Variants in USP33 observed in about 807,000 individuals in gnomAD.
USP33 encodes ubiquitin specific peptidase 33.
Under a neutral mutation model 124.2 loss-of-function variants are expected in USP33, and 46 were observed. The ratio of observed to expected loss-of-function variants is 0.37; its 90% CI spans 0.29 to 0.47. The LOEUF (loss-of-function observed/expected upper bound fraction) is 0.47, where lower values mean the gene tolerates loss of function less well. Among genes scored for constraint, USP33 ranks in the 20% least tolerant of loss-of-function variants. The pLI is 0.99. For synonymous variants in USP33, 350 were observed against 352.3 expected (o/e 0.99, Z 0.07); for missense variants, 851 against 1,070.6 (o/e 0.79, Z 2.86).
intron 7 of USP33, among the ~76,000 whole-genome samples, chr1:77,732,116 A>AG (rs1466146054): frequency 6.6e-6 from 1 of 152,012 alleles, no homozygotes; most frequent in African/African-American, 2.4e-5. Flanking sequence ...ACTTAAAAAA[A>AG]AAAAAAAAAA....
intron 11 of USP33, among the ~76,000 whole-genome samples, chr1:77,724,607 T>C (rs1307484590): frequency 6.6e-6 from 1 of 152,176 alleles, no homozygotes; most frequent in Non-Finnish European, 1.5e-5. Flanking sequence ...TAAAACCCAG[T>C]AACCCCACTT....
At chr1:77,715,986 T>C in intron 17 of USP33, 118 bp from the exon 18 acceptor site, 1 of 1,128,914 alleles carries the variant, frequency 8.9e-7, no homozygotes, top group Non-Finnish European at 1.2e-6. Context: ...AGAATTATGC[T>C]TGTATTTTTT....
intron 1 of USP33, among the ~76,000 whole-genome samples, chr1:77,748,881 G>A (rs150199927): frequency 3.6e-3 from 516 of 142,252 alleles, no homozygotes; most frequent in Non-Finnish European, 4.7e-3. Context: ...TCTTCATCAT[G>A]GAAAAGAGAG....
Position 77,728,461 on chromosome 1 carries a change from T to G in USP33, c.969A>C (p.Glu323Asp). 6.2e-7 allele frequency: 1 copy of G among 1,614,076 alleles called. No homozygotes were observed. Among genetic ancestry groups the G allele is most frequent in the Non-Finnish European group, 8.5e-7 (1 of 1,180,008 alleles). ...NETTMLIQDDENNSEMSKDWQ... is the reference protein window; with the variant it reads ...NETTMLIQDDDNNSEMSKDWQ... ...AATCCTTTGACATTTCTGAATTGTT[T>G]TCATCATCCTGAATTAACATTGTTG... Residue 323 changes from glutamate to aspartate, a missense_variant, in exon 10 of 24, where the codon GAA becomes GAC. By Grantham distance (45) the Glu-to-Asp change is conservative (BLOSUM62 2). Transcript: ENST00000370794.
At chr1:77,740,806 T>G (rs1475138506) in intron 4 of USP33, 71 bp downstream of exon 4, 1 of 1,045,580 alleles carries the variant, frequency 9.6e-7, no homozygotes, top group Non-Finnish European at 1.4e-6. Context: ...ATTAATAATG[T>G]TATACTGGCT....
At chr1:77,738,563 C>T (rs1453413795) in intron 5 of USP33, among the ~76,000 whole-genome samples, 2 of 151,984 alleles carry the variant, frequency 1.3e-5, no homozygotes, top group Admixed American at 6.6e-5. Flanking sequence ...TCACTGCCAG[C>T]TCTGCCTCCC....
chr1:77,708,274 T>C (rs1010275010), intron 21 of USP33, among the ~76,000 whole-genome samples: 3 of 152,232 alleles, frequency 2.0e-5, no homozygotes, highest in African/African-American at 7.2e-5. Context: ...ATAACCATGA[T>C]ATATGAAATA....
intron 22 of USP33, among the ~76,000 whole-genome samples, chr1:77,699,428 G>A (rs535588722): frequency 4.6e-5 from 7 of 152,130 alleles, no homozygotes; most frequent in Non-Finnish European, 8.8e-5. Context: ...GCTGAGGCAG[G>A]ACAATCGTCT....
intron 5 of USP33, 93 bp downstream of exon 5, chr1:77,739,166 GTTAGGC>G: frequency 7.1e-7 from 1 of 1,400,508 alleles, no homozygotes; most frequent in Non-Finnish European, 9.7e-7. Flanking sequence ...CAAAGTACAG[GTTAGGC>G]AGTATTCCTT....
intron 5 of USP33, among the ~76,000 whole-genome samples, chr1:77,736,662 T>G (rs1678490423): frequency 6.6e-6 from 1 of 152,040 alleles, no homozygotes; most frequent in Middle Eastern, 3.2e-3. Context: ...CAGGCTGGAG[T>G]GCAGTGGCAC....
rs1452959197 is a variant in USP33, at chr1:77,721,905, G to C, written c.1583C>G (p.Pro528Arg). Residue 528 changes from proline (P) to arginine (R), a missense_variant, in exon 14 of 24, where the codon CCT (proline) becomes CGT (arginine). By Grantham distance (103) the Pro-to-Arg change is moderately radical (BLOSUM62 -2). This residue lies in a region of USP33 where 281 missense variants were observed against 425.0 expected (regional missense o/e 0.66). Coordinates refer to ENST00000370794, the MANE Select transcript of USP33 (RefSeq NM_201624.3). ...TACTACTGGACCCCAAAACCAGCTA[G>C]GGACACATGAGACAACAAACCTGAA... ...YVKRFVVSCV[P>R]SWFWGPVVTL... 1 of 1,609,332 alleles carries C rather than the reference G, an allele frequency of 6.2e-7. No individual in the cohort carries two copies. Among genetic ancestry groups the C allele is most frequent in the Admixed American group, 1.7e-5 (1 of 58,516 alleles).
At position 77,713,210 on chromosome 1, in the gene USP33, G is replaced by A. The variant is rs1675467813; in HGVS notation, c.2287C>T (p.Leu763=). ...LMLPQNIWDN[L]YSRYGGGPAV... ...ATTTAAAAAACAAACCTGCTATATA[G>A]GTTATCCCAAATGTTCTGAGGCAGC... The change falls in exon 20 of 24, where the codon CTA becomes TTA. Residue 763 remains leucine (L), a synonymous_variant. Coordinates refer to ENST00000370794, the MANE Select transcript of USP33 (RefSeq NM_201624.3). The A allele has an allele frequency of 1.9e-6, 3 of 1,592,378 alleles. No homozygotes were observed. The highest frequency in any genetic ancestry group is 1.4e-5 in the African/African-American group (1 of 72,596).
chr1:77,720,528 T>C (rs1676460168), intron 15 of USP33: 2 of 985,338 alleles, frequency 2.0e-6, no homozygotes, highest in African/African-American at 3.5e-5. Flanking sequence ...TCCTTTAGGT[T>C]ACTGCCAAGA....
At chr1:77,701,501 A>C in intron 21 of USP33, 30 bp from the exon 22 acceptor site, 1 of 1,565,178 alleles carries the variant, frequency 6.4e-7, no homozygotes, top group South Asian at 1.1e-5. Flanking sequence ...CAGTCATCTA[A>C]TATCTAAAAC....
chr1:77,718,050 A>G lies in USP33; in HGVS notation c.1738-3T>C, dbSNP rs757237863. The G allele has an allele frequency of 6.3e-7, 1 of 1,582,728 alleles. No individual in the cohort carries two copies. Among genetic ancestry groups the G allele is most frequent in the East Asian group, 2.3e-5 (1 of 44,324 alleles). On this transcript the variant is annotated splice_polypyrimidine_tract_variant and splice_region_variant and intron_variant, in intron 16 of 23. Coordinates refer to ENST00000370794, the MANE Select transcript of USP33 (RefSeq NM_201624.3). ...CTTTTAAGGTGGATGCACAAAATCT[A>G]AAAAAGAATAAAATTCAAAACTAAT...
intron 10 of USP33, among the ~76,000 whole-genome samples, chr1:77,726,700 T>A (rs1370333483): frequency 8.0e-5 from 12 of 150,672 alleles, no homozygotes. Context: ...TCTAAAACCA[T>A]GTGAAAGAAA....
intron 6 of USP33, among the ~76,000 whole-genome samples, chr1:77,735,681 T>G (rs1265763801): frequency 6.6e-6 from 1 of 152,170 alleles, no homozygotes; most frequent in African/African-American, 2.4e-5. Context: ...GGGAGAAGTG[T>G]ATCACCTGAT....
intron 1 of USP33, among the ~76,000 whole-genome samples, chr1:77,751,988 C>G (rs535029743): frequency 2.0e-5 from 3 of 150,534 alleles, no homozygotes; most frequent in Non-Finnish European, 4.4e-5. Flanking sequence ...GCGCCGCGCC[C>G]GAAGATATTA....
intron 21 of USP33, among the ~76,000 whole-genome samples, chr1:77,709,591 T>A (rs1225898980): frequency 6.6e-6 from 1 of 151,050 alleles, no homozygotes; most frequent in Non-Finnish European, 1.5e-5. Flanking sequence ...TGTTTAATTT[T>A]AACATTCTGT....
Sources: allele counts gnomAD v4.1 joint callset (sites outside exome capture counted in the v4.1 genomes callset), GRCh38; gene constraint gnomAD v4.1.1; regional missense constraint gnomAD v4.1.1; transcripts MANE v1.5; gene names NCBI Gene and HGNC (gene_info 2026-07-23, HGNC 2026-07-21).